The following MRTFB variants were observed in gnomAD, a reference collection of about 807,000 sequenced individuals.
The protein encoded by MRTFB is myocardin-related transcription factor B.
Under a neutral mutation model 104.2 loss-of-function variants are expected in MRTFB, and 29 were observed. That is an observed-to-expected ratio of 0.28 (90% confidence interval 0.21 to 0.38). MRTFB has a LOEUF of 0.38. Ranked by LOEUF, MRTFB falls within the 10% of genes least tolerant of loss-of-function variation. The pLI, the probability that MRTFB is intolerant of heterozygous loss-of-function variation, is 1.00. For missense variants in MRTFB, 1,270 were observed against 1,341.6 expected, an observed-to-expected ratio of 0.95 and a Z score of 0.83; for synonymous variants, 535 against 519.5, an observed-to-expected ratio of 1.03 and a Z score of -0.41.
chr16:14,070,974 G>A (rs1361484624), upstream of MRTFB, among the ~76,000 whole-genome samples: 1 of 152,228 alleles, frequency 6.6e-6, no homozygotes, highest in African/African-American at 2.4e-5. Flanking sequence ...AGTGCTCGGC[G>A]CGCAGCGAGC....
rs140135950 is a variant in MRTFB at position 14,183,190 on chromosome 16, T to C, written c.155-27053T>C. 5.8e-3 allele frequency among the ~76,000 whole-genome samples: 885 copies of C among 152,290 alleles called. 12 individuals carry two copies. The highest frequency in any genetic ancestry group is 6.1e-3 in the Non-Finnish European group (415 of 68,028). The stretch of plus-strand genomic sequence containing the variant: ...TGTATTACCTGATAGGATGCAAAGA[T>C]TGCATCATTATTTCTGGGGTATTCC... On this transcript the variant is annotated intron_variant, in intron 3 of 16. Coordinates refer to ENST00000571589, the MANE Select transcript of MRTFB (RefSeq NM_001308142.2).
intron 3 of MRTFB, among the ~76,000 whole-genome samples, chr16:14,147,789 AATTT>A (rs751970910): frequency 2.6e-5 from 4 of 152,166 alleles, no homozygotes; most frequent in Non-Finnish European, 5.9e-5. Context: ...CATTTTGAGT[AATTT>A]ATTTAGTCTT....
At chr16:14,013,478 G>C in the MRTFB span, 3 of 152,102 alleles carry the variant, frequency 2.0e-5, no homozygotes, top group Admixed American at 6.6e-5. Context: ...AAAGAAGAGG[G>C]GAAAACATTG....
At chr16:14,062,859 C>T in the MRTFB span, among the ~76,000 whole-genome samples, 1 of 152,154 alleles carries the variant, frequency 6.6e-6, no homozygotes, top group Non-Finnish European at 1.5e-5. Context: ...CCGCTGCTGC[C>T]GTCAGCACGG....
the MRTFB span, among the ~76,000 whole-genome samples, chr16:14,045,128 A>G: frequency 5.9e-5 from 9 of 152,196 alleles, no homozygotes; most frequent in African/African-American, 2.2e-4. Context: ...CTCACTTATT[A>G]TCACCATCAG....
intron 8 of MRTFB, among the ~76,000 whole-genome samples, chr16:14,232,935 G>A (rs1158296346): frequency 1.3e-5 from 2 of 152,196 alleles, no homozygotes; most frequent in Non-Finnish European, 2.9e-5. Flanking sequence ...GTTGTTCAGG[G>A]AAGTGGAAGT....
intron 3 of MRTFB, among the ~76,000 whole-genome samples, chr16:14,206,241 A>T (rs2040934392): frequency 6.6e-6 from 1 of 152,048 alleles, no homozygotes; most frequent in Non-Finnish European, 1.5e-5. Flanking sequence ...AGGGTCCCTT[A>T]CCCCTTCCTC....
chr16:14,054,374 G>A, the MRTFB span, among the ~76,000 whole-genome samples: 2 of 151,952 alleles, frequency 1.3e-5, no homozygotes, highest in Admixed American at 6.6e-5. Context: ...CTGCCACCAC[G>A]TCTGGCTAAT....
At chr16:14,096,371 C>T (rs1456147835) in intron 2 of MRTFB, among the ~76,000 whole-genome samples, 7 of 152,024 alleles carry the variant, frequency 4.6e-5, no homozygotes, top group South Asian at 2.1e-4. Context: ...TGTGCCTGGC[C>T]GGCAACCTGA....
intron 3 of MRTFB, among the ~76,000 whole-genome samples, chr16:14,156,689 A>G (rs577439229): frequency 6.6e-6 from 1 of 152,334 alleles, no homozygotes; most frequent in African/African-American, 2.4e-5. Context: ...TTGTTCATTA[A>G]TAAATAATTA....
At chr16:14,105,386 G>A (rs1288328983) in intron 2 of MRTFB, among the ~76,000 whole-genome samples, 1 of 151,338 alleles carries the variant, frequency 6.6e-6, no homozygotes, top group East Asian at 2.0e-4. Flanking sequence ...CTGATTAGAT[G>A]TATCCTTCTC....
intron 1 of MRTFB, among the ~76,000 whole-genome samples, chr16:14,077,674 G>T (rs2034144542): frequency 6.6e-6 from 1 of 152,052 alleles, no homozygotes. Flanking sequence ...TTTCTAATCT[G>T]TAAAAGGAGC....
At chr16:14,208,554 A>G (rs1211158093) in intron 3 of MRTFB, among the ~76,000 whole-genome samples, 2 of 152,218 alleles carry the variant, frequency 1.3e-5, no homozygotes, top group East Asian at 3.8e-4. Flanking sequence ...AGAAGTATCA[A>G]CCTTTGATCT....
rs777705226 is a variant in MRTFB at position 14,240,498 on chromosome 16, C to T, written c.1079+14C>T. ...TGCACCATTCAAGTACGGCGGGGCC[C>T]ATGCTATCCTCAACGCGGGGTTTTC... On this transcript the variant is annotated intron_variant, in intron 10 of 16. Transcript: ENST00000571589. 9 of 1,614,224 alleles carry T rather than the reference C, an allele frequency of 5.6e-6. No homozygotes were observed. In the Admixed American group the frequency reaches 1.3e-4, roughly 24 times the overall value.
At chr16:14,111,443 T>C (rs2036262008) in intron 2 of MRTFB, among the ~76,000 whole-genome samples, 1 of 152,220 alleles carries the variant, frequency 6.6e-6, no homozygotes, top group Non-Finnish European at 1.5e-5. Context: ...CCCCACTTGC[T>C]GTGGACATTG....
chr16:14,180,831 C>T (rs749397599), intron 3 of MRTFB, among the ~76,000 whole-genome samples: 3 of 152,244 alleles, frequency 2.0e-5, no homozygotes, highest in East Asian at 1.9e-4. Flanking sequence ...GCTGGTGTGC[C>T]GGTCTGTTCC....
chr16:14,016,793 A>G, the MRTFB span, among the ~76,000 whole-genome samples: 1 of 138,568 alleles, frequency 7.2e-6, no homozygotes, highest in Admixed American at 8.1e-5. Flanking sequence ...AAAAAAAAAA[A>G]AAAAAAGACC....
chr16:14,098,612 G>T (rs185697254), intron 2 of MRTFB, among the ~76,000 whole-genome samples: 1 of 152,128 alleles, frequency 6.6e-6, no homozygotes, highest in Non-Finnish European at 1.5e-5. Flanking sequence ...TTTGGTGTTA[G>T]AACTAGGAGC....
chr16:14,246,601 G>T lies in MRTFB; in HGVS notation c.1341G>T (p.Val447=). 1.2e-6 allele frequency: 2 copies of T among 1,614,124 alleles called. No individual in the cohort carries two copies. The highest frequency in any genetic ancestry group is 2.2e-5 in the South Asian group (2 of 91,072). ...GCGGCCTTGCTGCTGGGGGCATCGT[G>T]GCAGTGTCATCATCAGCCATTGTCA... The part of the protein sequence containing the change: ...NSSGLAAGGI[V]AVSSSAIVTS... Residue 447 remains valine (V), a synonymous_variant, in exon 12 of 17, where the codon GTG becomes GTT. Coordinates refer to ENST00000571589, the MANE Select transcript of MRTFB (RefSeq NM_001308142.2).
Sources: gnomAD v4.1 joint callset for allele counts (sites outside exome capture counted in the v4.1 genomes callset) on GRCh38, gnomAD v4.1.1 for gene constraint, MANE v1.5 for transcripts, NCBI Gene and HGNC (gene_info 2026-07-23, HGNC 2026-07-21) for gene names.